Variants in CHAF1A observed in about 807,000 individuals in gnomAD.
CHAF1A encodes the protein CAF-1 subunit A.
Under a neutral mutation model 93.2 loss-of-function variants are expected in CHAF1A, and 5 were observed. The observed-to-expected ratio is 0.05, with a 90% confidence interval of 0.03 to 0.11. The LOEUF is 0.11. Ranked by LOEUF, CHAF1A falls within the 10% of genes least tolerant of loss-of-function variation. The pLI is 1.00. For missense variants in CHAF1A, 1,102 were observed against 1,259.9 expected (o/e 0.87, Z 1.90); for synonymous variants, 504 against 510.3 (o/e 0.99, Z 0.17).
intron 8 of CHAF1A, 35 bp from the exon 9 acceptor site, chr19:4,429,403 C>T (rs947668906): frequency 6.2e-7 from 1 of 1,607,064 alleles, no homozygotes; most frequent in Non-Finnish European, 8.5e-7. Context: ...GTCTGTAAGG[C>T]AGCGTGATCC....
At position 4,419,842 on chromosome 19, in the gene CHAF1A, G is replaced by A. The variant is rs558698417; in HGVS notation, c.1017+1766G>A. On this transcript the variant is annotated intron_variant, in intron 4 of 14. Coordinates refer to ENST00000301280, the MANE Select transcript of CHAF1A (RefSeq NM_005483.3). ...TTGGGGAGCGGAGAAAGTATCCAAC[G>A]GCGGCTGAAGAAATCTGATTCACCT... 2.0e-5 allele frequency among the ~76,000 whole-genome samples: 3 copies of A among 152,316 alleles called. No homozygotes were observed. In the East Asian group the frequency reaches 5.8e-4, roughly 29 times the overall value.
intron 4 of CHAF1A, among the ~76,000 whole-genome samples, chr19:4,419,029 ATTTTTTTT>A (rs11406470): frequency 7.3e-5 from 7 of 96,472 alleles, no homozygotes; most frequent in African/African-American, 2.6e-4. Context: ...TAGCCAGCTA[ATTTTTTTT>A]TTTTTTTTTT....
At chr19:4,416,319 G>A (rs566065781) in intron 3 of CHAF1A, among the ~76,000 whole-genome samples, 5 of 152,258 alleles carry the variant, frequency 3.3e-5, no homozygotes, top group African/African-American at 7.2e-5. Context: ...ACTCTTAAGC[G>A]TCTCTTCCCA....
At chr19:4,448,457 G>C, downstream of CHAF1A, 1 of 1,518,174 alleles carries the variant, frequency 6.6e-7, no homozygotes, top group Non-Finnish European at 9.0e-7. Flanking sequence ...CTGAGAGCCC[G>C]GGCCGCACGG....
At chr19:4,406,084 G>A in intron 2 of CHAF1A, 122 bp downstream of exon 2, 1 of 795,560 alleles carries the variant, frequency 1.3e-6, no homozygotes, top group South Asian at 1.5e-5. Flanking sequence ...TTCAGACCAG[G>A]AAGCTGGGAA....
In CHAF1A at chr19:4,422,516, C is replaced by G; in HGVS notation, c.1018-50C>G. ...CTCCATGCTGTGAACCGAGCTTCCT[C>G]CTGGGAGTTGGAGGGAGGGCCACCT... On this transcript the variant is annotated intron_variant, in intron 4 of 14. Coordinates refer to ENST00000301280, the MANE Select transcript of CHAF1A (RefSeq NM_005483.3). The surrounding 1 kb of genome is among the most constrained non-coding windows in gnomAD (Gnocchi z 4.6). 1 of 1,515,904 alleles carries G rather than the reference C, an allele frequency of 6.6e-7. No individual in the cohort carries two copies. 93.9% of individuals were successfully genotyped at this position (1,515,904 alleles called of 1,614,324 possible).
At chr19:4,446,274 G>A (rs760164843), downstream of CHAF1A, 15 of 1,570,508 alleles carry the variant, frequency 9.6e-6, no homozygotes, top group Admixed American at 2.7e-4. Context: ...GGGCATCGTT[G>A]GTGCCCACCC....
In CHAF1A at chr19:4,438,310, G is replaced by T. The variant is rs143640400; in HGVS notation, c.2674-3935G>T. Among the ~76,000 whole-genome samples, 430 of 152,224 alleles carry T rather than the reference G, an allele frequency of 2.8e-3. 2 individuals carry two copies. The highest frequency in any genetic ancestry group is 0.01 in the African/African-American group (421 of 41,536). The stretch of plus-strand genomic sequence containing the variant: ...TCTGTGCCTGCGTTAGTTTGCTGAG[G>T]ATAATGGTTCCCAGCTTCATCCATG... On this transcript the variant is annotated intron_variant, in intron 13 of 14. Coordinates refer to ENST00000301280, the MANE Select transcript of CHAF1A (RefSeq NM_005483.3).
intron 13 of CHAF1A, among the ~76,000 whole-genome samples, chr19:4,437,663 C>G (rs916551372): frequency 3.9e-5 from 6 of 152,200 alleles, no homozygotes; most frequent in African/African-American, 1.2e-4. Flanking sequence ...ATAAGCCATT[C>G]ATCTGCAAGT....
chr19:4,404,336 G>A (rs1201211252), intron 1 of CHAF1A, among the ~76,000 whole-genome samples: 1 of 152,140 alleles, frequency 6.6e-6, no homozygotes, highest in African/African-American at 2.4e-5. Context: ...TTTAATGAGG[G>A]TGGGTCCTGT....
At chr19:4,411,860 G>A (rs972831963) in intron 3 of CHAF1A, among the ~76,000 whole-genome samples, 14 of 151,716 alleles carry the variant, frequency 9.2e-5, no homozygotes, top group African/African-American at 3.4e-4. Context: ...TGTTGGCCAG[G>A]CTGGCCTCAA....
At chr19:4,427,134 G>GTTTTT (rs1568437409) in intron 7 of CHAF1A, among the ~76,000 whole-genome samples, 1 of 45,276 alleles carries the variant, frequency 2.2e-5, no homozygotes, top group South Asian at 7.8e-4. Context: ...AAAAGACCCT[G>GTTTTT]TCTTTTTTTT....
intron 4 of CHAF1A, 119 bp downstream of exon 4, chr19:4,418,195 CCAT>C (rs1455852142): frequency 1.6e-6 from 1 of 622,466 alleles, no homozygotes; most frequent in Non-Finnish European, 2.8e-6. Flanking sequence ...CCTTCTCTGA[CCAT>C]CATTTTGATT....
intron 13 of CHAF1A, among the ~76,000 whole-genome samples, chr19:4,436,794 C>T (rs554038283): frequency 5.3e-5 from 8 of 152,218 alleles, no homozygotes; most frequent in African/African-American, 1.4e-4. Flanking sequence ...TGCAGTGCCC[C>T]GCCCCTGGTC....
intron 13 of CHAF1A, among the ~76,000 whole-genome samples, chr19:4,434,550 C>T (rs775004689): frequency 2.0e-5 from 3 of 152,156 alleles, no homozygotes; most frequent in Non-Finnish European, 4.4e-5. Context: ...TCTCTATCTC[C>T]GTGGATCAGC....
At chr19:4,432,244 T>C in intron 12 of CHAF1A, 37 bp downstream of exon 12, 2 of 1,559,448 alleles carry the variant, frequency 1.3e-6, no homozygotes, top group Non-Finnish European at 1.7e-6. Flanking sequence ...CACCTGTTCC[T>C]GGGCCCAGCT....
At chr19:4,427,007 G>T (rs1974094160) in intron 7 of CHAF1A, among the ~76,000 whole-genome samples, 1 of 150,584 alleles carries the variant, frequency 6.6e-6, no homozygotes, top group African/African-American at 2.4e-5. Context: ...CAGGAGAATC[G>T]CCCAACCCAG....
At chr19:4,419,342 C>G (rs1019007639) in intron 4 of CHAF1A, among the ~76,000 whole-genome samples, 1 of 152,142 alleles carries the variant, frequency 6.6e-6, no homozygotes, top group Non-Finnish European at 1.5e-5. Context: ...TGAGTGTTTC[C>G]TGAGCTCCCT....
downstream of CHAF1A, chr19:4,448,605 G>A (rs1342484793): frequency 3.3e-6 from 2 of 603,132 alleles, no homozygotes; most frequent in Non-Finnish European, 5.9e-6. Flanking sequence ...CCAGGGCAGA[G>A]GCGACGCAGC....
Sources: allele counts gnomAD v4.1 joint callset (sites outside exome capture counted in the v4.1 genomes callset), GRCh38; gene constraint gnomAD v4.1.1; non-coding constraint Gnocchi (gnomAD v3.1); transcripts MANE v1.5; gene names NCBI Gene and HGNC (gene_info 2026-07-23, HGNC 2026-07-21).